The following ACSL1 variants were observed in gnomAD, a reference collection of about 807,000 sequenced individuals.
The protein encoded by ACSL1 is acyl-CoA synthetase long chain family member 1, also known as long-chain-fatty-acid--CoA ligase 1.
In ACSL1, 41 loss-of-function variants were observed where a neutral mutation model predicts 98.4. The observed-to-expected ratio is 0.42, with a 90% CI of 0.32 to 0.54. ACSL1 has a LOEUF of 0.54. ACSL1 is among the 20% of genes least tolerant of loss of function. ACSL1 has a pLI of 0.13. For missense variants in ACSL1, 734 were observed against 883.1 expected (o/e 0.83, Z 2.14); for synonymous variants, 316 against 322.7 (o/e 0.98, Z 0.22).
chr4:184,781,886 T>C (rs924867192), intron 4 of ACSL1, among the ~76,000 whole-genome samples: 2 of 152,222 alleles, frequency 1.3e-5, no homozygotes, highest in Admixed American at 6.5e-5. Context: ...GCTGGGATTA[T>C]AGGCGTGAGC....
chr4:184,760,226 G>T, intron 18 of ACSL1, 131 bp downstream of exon 18: 1 of 1,045,570 alleles, frequency 9.6e-7, no homozygotes, highest in Non-Finnish European at 1.4e-6. Context: ...ACAGGTCAAT[G>T]ATATTCTAGC....
chr4:184,819,670 A>G (rs1772908894), intron 1 of ACSL1, among the ~76,000 whole-genome samples: 1 of 151,984 alleles, frequency 6.6e-6, no homozygotes, highest in African/African-American at 2.4e-5. Flanking sequence ...GGTGGTTTGG[A>G]GAGGAGTGGA....
chr4:184,815,153 C>T (rs1772511857), intron 1 of ACSL1: 2 of 454,816 alleles, frequency 4.4e-6, no homozygotes, highest in East Asian at 6.9e-5. Context: ...TACGCATGCA[C>T]CAGGCATCCG....
chr4:184,801,171 TA>T (rs1483760599), intron 2 of ACSL1, among the ~76,000 whole-genome samples: 1 of 152,176 alleles, frequency 6.6e-6, no homozygotes, highest in African/African-American at 2.4e-5. Flanking sequence ...TCCTGATTTT[TA>T]AAAGGAAATT....
intron 7 of ACSL1, among the ~76,000 whole-genome samples, chr4:184,775,372 CTTT>C (rs1033063524): frequency 6.6e-6 from 1 of 152,026 alleles, no homozygotes; most frequent in Non-Finnish European, 1.5e-5. Flanking sequence ...AACATTACTT[CTTT>C]ATCATACAGC....
At chr4:184,805,870 T>C (rs1400405705) in intron 1 of ACSL1, 4 of 152,250 alleles carry the variant, frequency 2.6e-5, no homozygotes, top group African/African-American at 7.2e-5. Flanking sequence ...GACACTGTTT[T>C]CTTTCTGCTC....
Position 184,825,141 on chromosome 4 carries a change from G to A in ACSL1, c.-33+775C>T, listed in dbSNP as rs983453579. The A allele has an allele frequency of 2.1e-6, 2 of 971,160 alleles. No homozygotes were observed. Among genetic ancestry groups the A allele is most frequent in the African/African-American group, 1.8e-5 (1 of 56,934 alleles). 60.2% of individuals were successfully genotyped at this position (971,160 alleles called of 1,614,324 possible). On this transcript the variant is annotated intron_variant, in intron 1 of 20. Transcript: ENST00000281455. The surrounding 1 kb of genome is among the most constrained non-coding windows in gnomAD (Gnocchi z 4.7). Reference sequence around the variant, plus strand: ...CTTGAAATTGGACTGAGTGGGGAAGGGGTTTCCACACTCTCACAACGCACC... The same window carrying A: ...CTTGAAATTGGACTGAGTGGGGAAGAGGTTTCCACACTCTCACAACGCACC...
At chr4:184,768,137 T>C (rs2150299928) in intron 12 of ACSL1, 179 bp downstream of exon 12, 1 of 605,940 alleles carries the variant, frequency 1.7e-6, no homozygotes, top group South Asian at 2.7e-5. Context: ...TTATAATCCT[T>C]ATCAGCCACT....
At chr4:184,777,157 C>A (rs970798069) in intron 5 of ACSL1, among the ~76,000 whole-genome samples, 174 bp from the exon 6 acceptor site, 1 of 152,238 alleles carries the variant, frequency 6.6e-6, no homozygotes, top group African/African-American at 2.4e-5. Flanking sequence ...GAGAACAAAA[C>A]ACATGCCCCC....
At chr4:184,805,469 G>C in intron 1 of ACSL1, 1 of 985,406 alleles carries the variant, frequency 1.0e-6, no homozygotes, top group Non-Finnish European at 1.2e-6. Context: ...CAGATAAGCA[G>C]ATTTCTTCAG....
chr4:184,822,666 G>C (rs569845287), intron 1 of ACSL1, among the ~76,000 whole-genome samples: 1 of 152,184 alleles, frequency 6.6e-6, no homozygotes, highest in African/African-American at 2.4e-5. Flanking sequence ...CTGAGCCCAG[G>C]GAGGTGGAGA....
intron 1 of ACSL1, among the ~76,000 whole-genome samples, chr4:184,807,952 C>G (rs1250045672): frequency 6.6e-6 from 1 of 152,178 alleles, no homozygotes; most frequent in Non-Finnish European, 1.5e-5. Flanking sequence ...CTCCTTTAGC[C>G]CAACCCAGGT....
At chr4:184,816,452 G>A (rs1274194601) in intron 1 of ACSL1, among the ~76,000 whole-genome samples, 2 of 152,076 alleles carry the variant, frequency 1.3e-5, no homozygotes, top group Non-Finnish European at 2.9e-5. Context: ...CTAACAAGTT[G>A]CAGAAGATTA....
intron 2 of ACSL1, among the ~76,000 whole-genome samples, chr4:184,801,896 A>G (rs887559767): frequency 6.6e-6 from 1 of 152,246 alleles, no homozygotes; most frequent in Non-Finnish European, 1.5e-5. Context: ...TTCTCATATA[A>G]TAGGAATTAC....
intron 17 of ACSL1, among the ~76,000 whole-genome samples, chr4:184,761,397 G>C (rs1376754463): frequency 1.3e-5 from 2 of 152,170 alleles, no homozygotes; most frequent in South Asian, 4.1e-4. Flanking sequence ...AAATCTACAA[G>C]AATCTGCCAA....
intron 12 of ACSL1, among the ~76,000 whole-genome samples, chr4:184,767,695 A>G (rs1369254041): frequency 1.3e-5 from 2 of 152,254 alleles, no homozygotes; most frequent in Non-Finnish European, 1.5e-5. Context: ...TAAAAACATA[A>G]GAACGTTCTG....
In ACSL1 at chr4:184,757,458, C is replaced by T. The variant is rs533308068; in HGVS notation, c.1956+177G>A. The stretch of plus-strand genomic sequence containing the variant: ...GGATTCGGGATCATATTCTGATATC[C>T]AGGAAAAGAGAATAAATGCTTTTGA... On this transcript the variant is annotated intron_variant, in intron 20 of 20. Transcript: ENST00000281455. This position sits in a 1 kb window ranked among gnomAD's most constrained non-coding sequence, Gnocchi z 4.5. 6.6e-6 allele frequency among the ~76,000 whole-genome samples: 1 copy of T among 152,244 alleles called. No individual in the cohort carries two copies. Among genetic ancestry groups the T allele is most frequent in the East Asian group, 1.9e-4 (1 of 5,180 alleles).
chr4:184,779,427 T>C (rs1295688311), intron 5 of ACSL1, among the ~76,000 whole-genome samples: 2 of 152,222 alleles, frequency 1.3e-5, no homozygotes, highest in African/African-American at 4.8e-5. Context: ...AAACCTCTTT[T>C]TGTTCCCAGT....
chr4:184,765,854 A>C, intron 14 of ACSL1, 37 bp downstream of exon 14: 1 of 1,585,122 alleles, frequency 6.3e-7, no homozygotes, highest in Non-Finnish European at 8.6e-7. Context: ...TGGGCATCCT[A>C]GTGTGGGAGA....
Sources: gnomAD v4.1 joint callset for allele counts (sites outside exome capture counted in the v4.1 genomes callset) on GRCh38, gnomAD v4.1.1 for gene constraint, Gnocchi (gnomAD v3.1) non-coding constraint, MANE v1.5 for transcripts, NCBI Gene and HGNC (gene_info 2026-07-23, HGNC 2026-07-21) for gene names.